MYH1: variants seen among roughly 807,000 people sequenced by gnomAD.
MYH1 encodes the protein myosin-1.
A neutral mutation model predicts 225.6 loss-of-function variants in MYH1; 214 were observed. The observed-to-expected ratio is 0.95, with a 90% confidence interval of 0.85 to 1.06. The LOEUF is 1.06. MYH1 is among the 50% of genes least tolerant of loss of function. The pLI is 0.00. For synonymous variants in MYH1, 774 were observed against 842.3 expected, an observed-to-expected ratio of 0.92 and a Z score of 1.40; for missense variants, 2,098 against 2,344.2, an observed-to-expected ratio of 0.89 and a Z score of 2.17.
chr17:10,505,448 T>C lies in MYH1; in HGVS notation c.2238A>G (p.Ser746=), dbSNP rs1002335200. 5 of 1,614,116 alleles carry C rather than the reference T, an allele frequency of 3.1e-6. No individual in the cohort carries two copies. Among genetic ancestry groups the C allele is most frequent in the Non-Finnish European group, 3.4e-6 (4 of 1,180,030 alleles). The part of the protein sequence containing the change: ...EGQFIDSKKA[S]EKLLGSIDID... The stretch of plus-strand genomic sequence containing the variant: ...TGTCAATGGACCCCAGGAGCTTCTC[T>C]GAAGCCTTCTTGCTATCGATGAATT... Residue 746 remains serine, a synonymous_variant, in exon 20 of 40, where the codon TCA becomes TCG. Coordinates refer to ENST00000226207, the MANE Select transcript of MYH1 (RefSeq NM_005963.4).
At chr17:10,511,584 A>C (rs2073170178) in intron 14 of MYH1, among the ~76,000 whole-genome samples, 1 of 152,198 alleles carries the variant, frequency 6.6e-6, no homozygotes, top group Admixed American at 6.5e-5. Context: ...GAATTTGCCC[A>C]ATGATCAATC....
At chr17:10,516,754 A>G (rs972918347) in intron 2 of MYH1, 72 bp from the exon 3 acceptor site, 11 of 1,357,708 alleles carry the variant, frequency 8.1e-6, no homozygotes, top group Non-Finnish European at 1.1e-5. Flanking sequence ...AAACTTTAAA[A>G]AAAAATTTAC....
chr17:10,497,493 T>A, intron 31 of MYH1, 41 bp from the exon 32 acceptor site: 1 of 1,579,196 alleles, frequency 6.3e-7, no homozygotes, highest in Non-Finnish European at 8.5e-7. Flanking sequence ...GTGGACAAAA[T>A]TTGATGAGAT....
At chr17:10,505,632 C>T in intron 19 of MYH1, 121 bp from the exon 20 acceptor site, 1 of 1,376,750 alleles carries the variant, frequency 7.3e-7, no homozygotes, top group Non-Finnish European at 9.8e-7. Flanking sequence ...CATATCTACC[C>T]CTTTATCTAT....
chr17:10,517,876 A>G (rs887824922), intron 2 of MYH1, among the ~76,000 whole-genome samples: 2 of 152,254 alleles, frequency 1.3e-5, no homozygotes, highest in African/African-American at 2.4e-5. Context: ...AGGAAAAGCC[A>G]TGGTATAGAA....
chr17:10,507,512 A>G (rs1366754593), intron 17 of MYH1, among the ~76,000 whole-genome samples: 1 of 152,172 alleles, frequency 6.6e-6, no homozygotes, highest in Non-Finnish European at 1.5e-5. Context: ...AAGCACCTAA[A>G]TCACTTGGAG....
intron 14 of MYH1, among the ~76,000 whole-genome samples, chr17:10,510,730 A>G (rs1269104587): frequency 6.6e-6 from 1 of 152,150 alleles, no homozygotes; most frequent in African/African-American, 2.4e-5. Context: ...ATTATAAGAC[A>G]TGTCCAGAAC....
rs2073129410 is a variant in MYH1 at position 10,507,921 on chromosome 17, C to A, written c.1933G>T (p.Gly645Cys). The A allele has an allele frequency of 3.1e-6, 5 of 1,613,746 alleles. No homozygotes were observed. The East Asian group carries it at 6.7e-5, about 22-fold the overall frequency. The change falls in exon 17 of 40, where the codon GGT becomes TGT. Residue 645 changes from glycine to cysteine, a missense_variant. By Grantham distance (159) the Gly-to-Cys change is radical (BLOSUM62 -3). Coordinates refer to ENST00000226207, the MANE Select transcript of MYH1 (RefSeq NM_005963.4). ...GGGKKGGKKKGSSFQTVSALF... is the reference protein window; with the variant it reads ...GGGKKGGKKKCSSFQTVSALF... ...GCAGACACAGTCTGGAAAGAAGAACCCTTCTTCTTACCACCTTTCTTTCCA... is the reference window on the plus strand; with the variant it reads ...GCAGACACAGTCTGGAAAGAAGAACACTTCTTCTTACCACCTTTCTTTCCA...
chr17:10,517,410 T>G (rs555070045), intron 2 of MYH1, among the ~76,000 whole-genome samples: 12 of 152,352 alleles, frequency 7.9e-5, no homozygotes, highest in Non-Finnish European at 1.6e-4. Context: ...TCTTAAATAT[T>G]TATTATAAAA....
intron 12 of MYH1, 58 bp downstream of exon 12, chr17:10,512,350 G>C: frequency 6.2e-7 from 1 of 1,613,582 alleles, no homozygotes; most frequent in East Asian, 2.2e-5. Flanking sequence ...TTGAATTTTG[G>C]AATGGACATT....
At chr17:10,500,883 C>T in intron 27 of MYH1, 131 bp from the exon 28 acceptor site, 1 of 1,422,370 alleles carries the variant, frequency 7.0e-7, no homozygotes, top group Non-Finnish European at 9.6e-7. Flanking sequence ...ACAAACAAAA[C>T]CAGCAAAGGT....
In MYH1 at chr17:10,509,618, T is replaced by C; in HGVS notation, c.1454A>G (p.Asn485Ser). The change falls in exon 15 of 40, where the codon AAT (asparagine) becomes AGT (serine). Residue 485 changes from asparagine (N) to serine (S), a missense_variant. Coordinates refer to ENST00000226207, the MANE Select transcript of MYH1 (RefSeq NM_005963.4). The stretch of plus-strand genomic sequence containing the variant: ...GTTGAAAAACTGTTGCAGTTTCTCA[T>C]TGGTGAAGTTGATGCACAGCTGCTC... Reference protein sequence around the residue: ...SLEQLCINFTNEKLQQFFNHH... With the variant: ...SLEQLCINFTSEKLQQFFNHH... 1 of 1,614,210 alleles carries C rather than the reference T, an allele frequency of 6.2e-7. No individual in the cohort carries two copies. Among genetic ancestry groups the C allele is most frequent in the African/African-American group, 1.3e-5 (1 of 75,050 alleles).
chr17:10,512,545 C>G lies in MYH1; in HGVS notation c.1010G>C (p.Ser337Thr). The change falls in exon 12 of 40, where the codon AGT (serine) becomes ACT (threonine). Residue 337 changes from serine (S) to threonine (T), a missense_variant and splice_region_variant. Ser to Thr is a moderately conservative substitution (Grantham distance 58, BLOSUM62 1). Coordinates refer to ENST00000226207, the MANE Select transcript of MYH1 (RefSeq NM_005963.4). Reference sequence around the variant, plus strand: ...AGTAAAGCCCAGAATTTCAATGGCACTCTACCATGAGAGATGAGAAGACAA... The same window carrying G: ...AGTAAAGCCCAGAATTTCAATGGCAGTCTACCATGAGAGATGAGAAGACAA... ...DDQEELMATDSAIEILGFTSD... is the reference protein window; with the variant it reads ...DDQEELMATDTAIEILGFTSD... The G allele has an allele frequency of 6.2e-7, 1 of 1,614,092 alleles. No homozygotes were observed. Among genetic ancestry groups the G allele is most frequent in the South Asian group, 1.1e-5 (1 of 91,080 alleles).
At chr17:10,492,775 C>G (rs1333127748) in intron 39 of MYH1, among the ~76,000 whole-genome samples, 3 of 151,106 alleles carry the variant, frequency 2.0e-5, no homozygotes, top group African/African-American at 7.3e-5. Context: ...GACAGGTGAC[C>G]TTTGTATCTG....
intron 39 of MYH1, among the ~76,000 whole-genome samples, chr17:10,493,541 A>G (rs2072956645): frequency 6.6e-6 from 1 of 152,248 alleles, no homozygotes; most frequent in South Asian, 2.1e-4. Context: ...TTAAGAATCT[A>G]CTGATTTGAA....
chr17:10,492,540 T>C lies in MYH1; in HGVS notation c.5696A>G (p.Lys1899Arg), dbSNP rs1468215277. 1 of 1,613,766 alleles carries C rather than the reference T, an allele frequency of 6.2e-7. No individual in the cohort carries two copies. Residue 1899 changes from lysine (K) to arginine (R), a missense_variant, in exon 40 of 40, where the codon AAA (lysine) becomes AGA (arginine). Lys to Arg is a conservative substitution (Grantham distance 26, BLOSUM62 2). Coordinates refer to ENST00000226207, the MANE Select transcript of MYH1 (RefSeq NM_005963.4). ...AEEQSNVNLS[K>R]FRRIQHELEE... The stretch of plus-strand genomic sequence containing the variant: ...CAGCTCGTGCTGGATCCTGCGGAAT[T>C]TGGAGAGGTTGACGTTGGATTGTTC...
At position 10,497,073 on chromosome 17, in the gene MYH1, G is replaced by A; in HGVS notation, c.4652C>T (p.Ala1551Val). 2 of 1,613,460 alleles carry A rather than the reference G, an allele frequency of 1.2e-6. No homozygotes were observed. The highest frequency in any genetic ancestry group is 1.7e-6 in the Non-Finnish European group (2 of 1,179,910). The change falls in exon 33 of 40, where the codon GCA becomes GTA. Residue 1551 changes from alanine to valine, a missense_variant. Ala to Val is a moderately conservative substitution (Grantham distance 64). Transcript: ENST00000226207. ...AGTATGCAATAAAATGCTTACCTCT[G>A]CCTCCTCTAAGGCAGCCTGAAGTTC... Reference protein sequence around the residue: ...KSELQAALEEAEASLEHEEGK... With the variant: ...KSELQAALEEVEASLEHEEGK...
At chr17:10,513,011 T>A (rs754467043) in intron 9 of MYH1, 46 bp from the exon 10 acceptor site, 1 of 1,310,630 alleles carries the variant, frequency 7.6e-7, no homozygotes. Flanking sequence ...AATTACACAA[T>A]GTCCTGGAGT....
chr17:10,495,153 G>T (rs773805691), intron 36 of MYH1, 39 bp downstream of exon 36: 5 of 1,614,090 alleles, frequency 3.1e-6, no homozygotes, highest in Non-Finnish European at 4.2e-6. Flanking sequence ...AGCACATTAA[G>T]ATTTAAGTTT....
Sources: allele counts gnomAD v4.1 joint callset (sites outside exome capture counted in the v4.1 genomes callset), GRCh38; gene constraint gnomAD v4.1.1; transcripts MANE v1.5; gene names NCBI Gene and HGNC (gene_info 2026-07-23, HGNC 2026-07-21).